The following PCDH9 variants were observed in gnomAD, a reference collection of about 807,000 sequenced individuals.
PCDH9 encodes protocadherin 9, also known as protocadherin-9.
PCDH9 carries 24 observed loss-of-function variants against 70.6 expected under a neutral mutation model. The ratio of observed to expected loss-of-function variants is 0.34; its 90% CI spans 0.25 to 0.48. The LOEUF is 0.48. Among genes scored for constraint, PCDH9 ranks in the 20% least tolerant of loss-of-function variants. PCDH9 has a pLI of 0.99. For synonymous variants in PCDH9, 562 were observed against 558.5 expected, an observed-to-expected ratio of 1.01 and a Z score of -0.09; for missense variants, 1,281 against 1,503.6, an observed-to-expected ratio of 0.85 and a Z score of 2.45.
intron 4 of PCDH9, among the ~76,000 whole-genome samples, chr13:66,572,691 T>C (rs1593703556): frequency 1.3e-5 from 2 of 152,260 alleles, no homozygotes; most frequent in Admixed American, 1.3e-4. Flanking sequence ...AGATCTTTTC[T>C]ACGCATTGAT....
intron 2 of PCDH9, among the ~76,000 whole-genome samples, chr13:67,034,356 T>G (rs934314897): frequency 1.3e-5 from 2 of 152,230 alleles, no homozygotes; most frequent in Non-Finnish European, 2.9e-5. Flanking sequence ...CATTATTTAA[T>G]GTTTAAACAA....
At chr13:66,539,361 G>A (rs1442038432) in intron 4 of PCDH9, among the ~76,000 whole-genome samples, 3 of 152,024 alleles carry the variant, frequency 2.0e-5, no homozygotes, top group Admixed American at 6.6e-5. Flanking sequence ...GGAGGGACTC[G>A]GAAGAAAGTA....
intron 3 of PCDH9, among the ~76,000 whole-genome samples, chr13:66,673,129 G>C (rs2078199448): frequency 6.6e-6 from 1 of 152,152 alleles, no homozygotes; most frequent in African/African-American, 2.4e-5. Flanking sequence ...ATCTCATCTT[G>C]AATTGTAGCT....
At chr13:66,918,455 G>T (rs1456935814) in intron 2 of PCDH9, among the ~76,000 whole-genome samples, 1 of 151,066 alleles carries the variant, frequency 6.6e-6, no homozygotes, top group East Asian at 1.9e-4. Context: ...TTTTTAAACT[G>T]GTAGGAGACT....
chr13:66,710,549 T>A (rs2078778753), intron 3 of PCDH9, among the ~76,000 whole-genome samples: 1 of 152,180 alleles, frequency 6.6e-6, no homozygotes, highest in South Asian at 2.1e-4. Context: ...GAAATGGGTA[T>A]CAACAGAAAT....
In PCDH9 at chr13:66,738,473, C is replaced by T. The variant is rs376405013; in HGVS notation, c.3139-107062G>A. On this transcript the variant is annotated intron_variant, in intron 3 of 4. Coordinates refer to ENST00000377865, the MANE Select transcript of PCDH9 (RefSeq NM_203487.3). Reference sequence around the variant, plus strand: ...AAGGAACGCAGTTCCTCACCAGCAACGGAACAAAGCTGGATGGAGAATGAC... The same window carrying T: ...AAGGAACGCAGTTCCTCACCAGCAATGGAACAAAGCTGGATGGAGAATGAC... Among the ~76,000 whole-genome samples the T allele has an allele frequency of 7.4e-5, 11 of 148,612 alleles. No homozygotes were observed. In the East Asian group the frequency reaches 8.1e-4, roughly 11 times the overall value.
intron 3 of PCDH9, among the ~76,000 whole-genome samples, chr13:66,837,506 C>T (rs2081042142): frequency 6.6e-6 from 1 of 152,148 alleles, no homozygotes; most frequent in Non-Finnish European, 1.5e-5. Flanking sequence ...CTGAGTTGTT[C>T]TGCCTTTTTA....
At chr13:67,212,113 C>A (rs954205253) in intron 2 of PCDH9, 1 of 152,082 alleles carries the variant, frequency 6.6e-6, no homozygotes, top group East Asian at 1.9e-4. Context: ...ATTTTATTAA[C>A]ACCTTTGCCT....
chr13:66,799,156 C>G (rs1311927247), intron 3 of PCDH9, among the ~76,000 whole-genome samples: 1 of 152,086 alleles, frequency 6.6e-6, no homozygotes, highest in African/African-American at 2.4e-5. Flanking sequence ...ACTATGCTTT[C>G]TTTTATACAT....
chr13:66,751,574 G>A (rs1002624774), intron 3 of PCDH9, among the ~76,000 whole-genome samples: 1 of 152,052 alleles, frequency 6.6e-6, no homozygotes, highest in Non-Finnish European at 1.5e-5. Flanking sequence ...TCTCAATAGA[G>A]TGATGTAGAG....
intron 3 of PCDH9, among the ~76,000 whole-genome samples, chr13:66,737,983 T>A (rs2079183607): frequency 6.6e-6 from 1 of 152,126 alleles, no homozygotes; most frequent in African/African-American, 2.4e-5. Flanking sequence ...TCGAACTGGG[T>A]GGAGCCCACC....
In PCDH9 at chr13:66,698,190, G is replaced by A. The variant is rs541960468; in HGVS notation, c.3139-66779C>T. Among the ~76,000 whole-genome samples the A allele has an allele frequency of 7.9e-5, 12 of 152,294 alleles. No homozygotes were observed. In the South Asian group the frequency reaches 2.5e-3, roughly 32 times the overall value. Reference sequence around the variant, plus strand: ...CAGTTTGGGTAATGGAAAAGTTCCAGAGATGGATGGTAGTGATGGTTGTAA... The same window carrying A: ...CAGTTTGGGTAATGGAAAAGTTCCAAAGATGGATGGTAGTGATGGTTGTAA... On this transcript the variant is annotated intron_variant, in intron 3 of 4. Coordinates refer to ENST00000377865, the MANE Select transcript of PCDH9 (RefSeq NM_203487.3).
chr13:66,339,415 C>G (rs1161114492), intron 4 of PCDH9, among the ~76,000 whole-genome samples: 1 of 152,004 alleles, frequency 6.6e-6, no homozygotes, highest in African/African-American at 2.4e-5. Context: ...AGTCTTTCTA[C>G]ACCTCTTTTG....
chr13:66,853,229 A>AATG (rs1267035163), intron 3 of PCDH9, among the ~76,000 whole-genome samples: 2 of 146,030 alleles, frequency 1.4e-5, no homozygotes, highest in East Asian at 2.0e-4. Context: ...TAATAATAAT[A>AATG]ATGATAAAAT....
At chr13:66,529,538 G>A (rs1405618857) in intron 4 of PCDH9, among the ~76,000 whole-genome samples, 4 of 151,980 alleles carry the variant, frequency 2.6e-5, no homozygotes, top group African/African-American at 4.8e-5. Context: ...TAACTAAACT[G>A]TTTGTTTAGA....
chr13:66,460,476 A>G (rs1174371953), intron 4 of PCDH9, among the ~76,000 whole-genome samples: 1 of 151,852 alleles, frequency 6.6e-6, no homozygotes, highest in Non-Finnish European at 1.5e-5. Flanking sequence ...GTGGATATCC[A>G]GAAAACTCGG....
chr13:66,660,854 A>C (rs1286586285), intron 3 of PCDH9, among the ~76,000 whole-genome samples: 1 of 152,054 alleles, frequency 6.6e-6, no homozygotes, highest in Non-Finnish European at 1.5e-5. Context: ...TTTTCTTTTT[A>C]AGAATTTTGA....
At chr13:66,728,857 A>G (rs1015701306) in intron 3 of PCDH9, among the ~76,000 whole-genome samples, 1 of 151,920 alleles carries the variant, frequency 6.6e-6, no homozygotes, top group East Asian at 1.9e-4. Flanking sequence ...TTGATTTTTA[A>G]TTCACTTTAT....
rs181622681 is a variant in PCDH9, at chr13:66,622,940, A to G, written c.3340+8270T>C. Among the ~76,000 whole-genome samples the G allele has an allele frequency of 2.7e-4, 41 of 152,294 alleles. No individual in the cohort carries two copies. The East Asian group carries it at 7.2e-3, about 27-fold the overall frequency. ...CTTCACTCCTGAAGCCAGCGAGACC[A>G]CGAACGCACCGGGAGGAACGAACAA... On this transcript the variant is annotated intron_variant, in intron 4 of 4. Coordinates refer to ENST00000377865, the MANE Select transcript of PCDH9 (RefSeq NM_203487.3).
Sources: allele counts gnomAD v4.1 joint callset (sites outside exome capture counted in the v4.1 genomes callset), GRCh38; gene constraint gnomAD v4.1.1; transcripts MANE v1.5; gene names NCBI Gene and HGNC (gene_info 2026-07-23, HGNC 2026-07-21).